CADM1: variants seen among roughly 807,000 people sequenced by gnomAD.
The protein encoded by CADM1 is TSLC-1.
Under a neutral mutation model 53.1 loss-of-function variants are expected in CADM1, and 15 were observed. That is an observed-to-expected ratio of 0.28 (90% CI 0.19 to 0.44). CADM1 has a LOEUF of 0.44. Among genes scored for constraint, CADM1 ranks in the 20% least tolerant of loss-of-function variants. The pLI is 1.00. For synonymous variants in CADM1, 281 were observed against 243.0 expected, an observed-to-expected ratio of 1.16 and a Z score of -1.45; for missense variants, 434 against 611.3, an observed-to-expected ratio of 0.71 and a Z score of 3.06.
chr11:115,411,133 A>AACACCCAGTCTATAATT (rs1307870262), intron 1 of CADM1, among the ~76,000 whole-genome samples: 2 of 152,236 alleles, frequency 1.3e-5, no homozygotes, highest in African/African-American at 4.8e-5. Context: ...ATATATTAAT[A>AACACCCAGTCTATAATT]ACACCCAGTC....
intron 8 of CADM1, among the ~76,000 whole-genome samples, chr11:115,207,773 G>A (rs1023645955): frequency 6.6e-6 from 1 of 152,110 alleles, no homozygotes; most frequent in African/African-American, 2.4e-5. Context: ...GCTCATACCT[G>A]GGCAAGTTCT....
chr11:115,338,151 T>C (rs1945316797), intron 1 of CADM1, among the ~76,000 whole-genome samples: 1 of 152,098 alleles, frequency 6.6e-6, no homozygotes, highest in Admixed American at 6.6e-5. Flanking sequence ...ATTACCACCA[T>C]CATAACAGCT....
chr11:115,186,148 G>A (rs1251079042), intron 10 of CADM1, among the ~76,000 whole-genome samples: 1 of 152,178 alleles, frequency 6.6e-6, no homozygotes, highest in Non-Finnish European at 1.5e-5. Context: ...GATTTCTTCA[G>A]TCTACTGCCT....
At chr11:115,375,326 C>A (rs1454504657) in intron 1 of CADM1, among the ~76,000 whole-genome samples, 1 of 152,108 alleles carries the variant, frequency 6.6e-6, no homozygotes, top group Admixed American at 6.5e-5. Flanking sequence ...TAGTTCAAAT[C>A]CTGGTTATCA....
chr11:115,391,447 A>G (rs1250201255), intron 1 of CADM1, among the ~76,000 whole-genome samples: 2 of 152,204 alleles, frequency 1.3e-5, no homozygotes, highest in Non-Finnish European at 2.9e-5. Context: ...ACGAACTGCA[A>G]TGGTTATGCC....
At chr11:115,376,915 T>G (rs1946452276) in intron 1 of CADM1, among the ~76,000 whole-genome samples, 1 of 152,172 alleles carries the variant, frequency 6.6e-6, no homozygotes, top group African/African-American at 2.4e-5. Flanking sequence ...TGGTATATTT[T>G]GACAACAGCA....
At chr11:115,355,343 C>A (rs1047275461) in intron 1 of CADM1, among the ~76,000 whole-genome samples, 1 of 152,078 alleles carries the variant, frequency 6.6e-6, no homozygotes, top group African/African-American at 2.4e-5. Context: ...TTATCCTTAG[C>A]AAACTAACAC....
chr11:115,381,591 C>T (rs118011371), intron 1 of CADM1, among the ~76,000 whole-genome samples: 36 of 152,250 alleles, frequency 2.4e-4, no homozygotes, highest in Admixed American at 1.5e-3. Flanking sequence ...TAGTGAGCCT[C>T]ACTTTCCTTA....
intron 10 of CADM1, among the ~76,000 whole-genome samples, chr11:115,187,406 C>G (rs1014348441): frequency 6.6e-6 from 1 of 152,124 alleles, no homozygotes; most frequent in Non-Finnish European, 1.5e-5. Context: ...TTTAAGTGCT[C>G]CTATTAGCTA....
chr11:115,435,447 T>C (rs1365379756), intron 1 of CADM1, among the ~76,000 whole-genome samples: 2 of 152,086 alleles, frequency 1.3e-5, no homozygotes, highest in African/African-American at 4.8e-5. Flanking sequence ...AAAAGTTGTA[T>C]TGGGGCTGGG....
chr11:115,416,377 T>C (rs1022578055), intron 1 of CADM1, among the ~76,000 whole-genome samples: 4 of 152,176 alleles, frequency 2.6e-5, no homozygotes, highest in African/African-American at 7.2e-5. Flanking sequence ...AACCCTGATA[T>C]GAAGTGAACT....
At chr11:115,199,090 A>C (rs1470052442) in intron 8 of CADM1, among the ~76,000 whole-genome samples, 1 of 152,218 alleles carries the variant, frequency 6.6e-6, no homozygotes, top group Non-Finnish European at 1.5e-5. Context: ...GTTTTCACAG[A>C]TTAGTTTCTA....
At chr11:115,275,069 A>T (rs1943407056) in intron 1 of CADM1, among the ~76,000 whole-genome samples, 1 of 152,154 alleles carries the variant, frequency 6.6e-6, no homozygotes, top group Admixed American at 6.5e-5. Flanking sequence ...GCATGGAAAA[A>T]CTTGGGAAAA....
chr11:115,380,210 A>G (rs1946540084), intron 1 of CADM1, among the ~76,000 whole-genome samples: 1 of 76,618 alleles, frequency 1.3e-5, no homozygotes, highest in Non-Finnish European at 2.5e-5. Flanking sequence ...GGAAACCAAG[A>G]AAAATACAAT....
At chr11:115,255,643 A>C (rs1453223259) in intron 1 of CADM1, among the ~76,000 whole-genome samples, 1 of 152,212 alleles carries the variant, frequency 6.6e-6, no homozygotes, top group African/African-American at 2.4e-5. Flanking sequence ...GAAACTGGTG[A>C]ATCTTGGTGT....
intron 1 of CADM1, among the ~76,000 whole-genome samples, chr11:115,284,108 C>CTT (rs1943662562): frequency 7.4e-6 from 1 of 134,522 alleles, no homozygotes; most frequent in Admixed American, 7.9e-5. Context: ...CTCTCTCTCT[C>CTT]TCTCTCTGTG....
intron 1 of CADM1, among the ~76,000 whole-genome samples, chr11:115,266,407 G>A (rs1050995411): frequency 6.6e-6 from 1 of 152,202 alleles, no homozygotes; most frequent in Non-Finnish European, 1.5e-5. Context: ...CCTGGGGCCT[G>A]CTGGAGTGCC....
At chr11:115,392,919 T>C (rs930077891) in intron 1 of CADM1, among the ~76,000 whole-genome samples, 1 of 151,922 alleles carries the variant, frequency 6.6e-6, no homozygotes, top group African/African-American at 2.4e-5. Flanking sequence ...TGTGCACCTG[T>C]AGTTCGCATG....
At chr11:115,332,931 C>T (rs1014901386) in intron 1 of CADM1, among the ~76,000 whole-genome samples, 7 of 152,086 alleles carry the variant, frequency 4.6e-5, no homozygotes, top group Non-Finnish European at 7.3e-5. Context: ...ATCACTCCAG[C>T]CAAACACTAG....
Sources: gnomAD v4.1 joint callset for allele counts (sites outside exome capture counted in the v4.1 genomes callset) on GRCh38, gnomAD v4.1.1 for gene constraint, MANE v1.5 for transcripts, NCBI Gene and HGNC (gene_info 2026-07-23, HGNC 2026-07-21) for gene names.